Variants in LANCL2 observed in about 807,000 individuals in gnomAD.
LANCL2 encodes lanC-like protein 2.
In LANCL2, 33 loss-of-function variants were observed where a neutral mutation model predicts 56.9. That is an observed-to-expected ratio of 0.58 (90% CI 0.44 to 0.78). The LOEUF (loss-of-function observed/expected upper bound fraction) is 0.78, where lower values mean the gene tolerates loss of function less well. Ranked by LOEUF, LANCL2 falls within the 30% of genes least tolerant of loss-of-function variation. LANCL2 has a pLI of 0.00. For missense variants in LANCL2, 562 were observed against 580.2 expected (o/e 0.97, Z 0.32); for synonymous variants, 233 against 228.2 (o/e 1.02, Z -0.19).
chr7:55,415,621 C>CTTTTTTTTTTTTTTTTTTTTTTTTT lies in LANCL2; in HGVS notation c.1008+3540_1008+3541insTTTTTTTTTTTTTTTTTTTTTTTTT, dbSNP rs71031852. On this transcript the variant is annotated intron_variant, in intron 6 of 8. Transcript: ENST00000254770. Reference sequence around the variant, plus strand: ...CCATAGTTTATCATTGTTTTTCTTTCTTTTTTTTGAGACACAGTGTCGCTC... The same window carrying CTTTTTTTTTTTTTTTTTTTTTTTTT: ...CCATAGTTTATCATTGTTTTTCTTTCTTTTTTTTTTTTTTTTTTTTTTTTTTTTTTTTTGAGACACAGTGTCGCTC... Among the ~76,000 whole-genome samples, 56 of 111,766 alleles carry CTTTTTTTTTTTTTTTTTTTTTTTTT rather than the reference C, an allele frequency of 5.0e-4. 7 individuals are homozygous for CTTTTTTTTTTTTTTTTTTTTTTTTT. The highest frequency in any genetic ancestry group is 1.1e-3 in the African/African-American group (36 of 31,564). 73.3% of individuals were successfully genotyped at this position (111,766 alleles called of 152,430 possible).
intron 6 of LANCL2, among the ~76,000 whole-genome samples, chr7:55,419,894 C>G (rs1011932139): frequency 3.9e-5 from 6 of 151,986 alleles, no homozygotes; most frequent in Admixed American, 3.9e-4. Context: ...TGGCTCACTT[C>G]TATAATTCCA....
At chr7:55,418,991 CTTTTCT>C (rs1790576362) in intron 6 of LANCL2, among the ~76,000 whole-genome samples, 1 of 152,024 alleles carries the variant, frequency 6.6e-6, no homozygotes, top group South Asian at 2.1e-4. Context: ...GATTTTTATC[CTTTTCT>C]TTTTATTAAT....
At position 55,431,316 on chromosome 7, in the gene LANCL2, A is replaced by G; in HGVS notation, c.1349A>G (p.Asp450Gly). Residue 450 changes from aspartate to glycine, a missense_variant, in exon 9 of 9, where the codon GAT (aspartate) becomes GGT (glycine). Around this residue, in one of 2 missense-constraint regions of LANCL2, gnomAD observed 378 missense variants for 468.4 expected, o/e 0.81. Coordinates refer to ENST00000254770, the MANE Select transcript of LANCL2 (RefSeq NM_018697.4). ...TTTGAACTTGACTCTTCGAAGAGGG[A>G]TTAAAAGGTGCAAAAAGACAACTAA... ...PAFELDSSKR[D>G] 1 of 1,612,008 alleles carries G rather than the reference A, an allele frequency of 6.2e-7. No individual in the cohort carries two copies.
chr7:55,366,349 G>T (rs545468613), intron 1 of LANCL2, 120 bp downstream of exon 1: 13 of 844,952 alleles, frequency 1.5e-5, no homozygotes, highest in African/African-American at 9.1e-5. Flanking sequence ...CGGGATGATA[G>T]CGCCTAGCAC....
At chr7:55,406,688 T>C (rs1042323744) in intron 5 of LANCL2, among the ~76,000 whole-genome samples, 1 of 152,204 alleles carries the variant, frequency 6.6e-6, no homozygotes, top group Admixed American at 6.5e-5. Flanking sequence ...GTTGGAAGGC[T>C]ATCAGAACAA....
In LANCL2 at chr7:55,402,675, C is replaced by T. The variant is rs1360917046; in HGVS notation, c.825+1355C>T. On this transcript the variant is annotated intron_variant, in intron 5 of 8. Coordinates refer to ENST00000254770, the MANE Select transcript of LANCL2 (RefSeq NM_018697.4). ...CTAACCCCCCCACCTCCCTTCCGGA[C>T]GGGGCGGCTGGCCGGGCGGGGGGCT... Among the ~76,000 whole-genome samples, 23 of 119,608 alleles carry T rather than the reference C, an allele frequency of 1.9e-4. 2 individuals carry two copies. The highest frequency in any genetic ancestry group is 6.2e-4 in the African/African-American group (19 of 30,454). 78.5% of individuals were successfully genotyped at this position (119,608 alleles called of 152,430 possible).
intron 5 of LANCL2, among the ~76,000 whole-genome samples, chr7:55,401,629 GA>G (rs2128993825): frequency 7.6e-6 from 1 of 131,274 alleles, no homozygotes; most frequent in South Asian, 2.6e-4. Flanking sequence ...GTAGTGGAGG[GA>G]AGGTCAGCAG....
At chr7:55,409,604 C>A (rs1249802947) in intron 5 of LANCL2, among the ~76,000 whole-genome samples, 4 of 152,130 alleles carry the variant, frequency 2.6e-5, no homozygotes, top group Non-Finnish European at 5.9e-5. Flanking sequence ...GAGGGGCTCC[C>A]ATACAAGACA....
At chr7:55,375,730 G>C (rs1160644668) in intron 1 of LANCL2, among the ~76,000 whole-genome samples, 1 of 152,206 alleles carries the variant, frequency 6.6e-6, no homozygotes, top group Non-Finnish European at 1.5e-5. Flanking sequence ...CAAAGTCAAA[G>C]CATCTTCAAG....
At chr7:55,427,796 A>G (rs1790680877) in intron 7 of LANCL2, among the ~76,000 whole-genome samples, 1 of 152,242 alleles carries the variant, frequency 6.6e-6, no homozygotes. Context: ...TTAAAACGAT[A>G]TGGAAACACC....
At chr7:55,425,193 AT>A in intron 6 of LANCL2, 60 bp from the exon 7 acceptor site, 1 of 1,535,496 alleles carries the variant, frequency 6.5e-7, no homozygotes, top group South Asian at 1.2e-5. Flanking sequence ...AAGGGAAAGT[AT>A]TTTGCCAACT....
chr7:55,431,683 G>T lies in LANCL2; in HGVS notation c.*363G>T, dbSNP rs181044242. On this transcript the variant is annotated 3_prime_UTR_variant, in exon 9 of 9. Transcript: ENST00000254770. ...TTCTGTATAAAATGTATAAAGTGGG[G>T]TTTCTTCCATATTGACAAATGAGGG... The T allele has an allele frequency of 1.7e-5, 3 of 179,024 alleles. No individual in the cohort carries two copies. The highest frequency in any genetic ancestry group is 7.0e-5 in the African/African-American group (3 of 42,584). The allele number at this position is 179,024 out of a possible 1,614,324, so 11.1% of individuals were successfully genotyped here.
At position 55,399,944 on chromosome 7, in the gene LANCL2, T is replaced by C. The variant is rs981646207; in HGVS notation, c.531-13T>C. 6 of 1,601,038 alleles carry C rather than the reference T, an allele frequency of 3.7e-6. No homozygotes were observed. Among genetic ancestry groups the C allele is most frequent in the Non-Finnish European group, 5.1e-6 (6 of 1,170,784 alleles). On this transcript the variant is annotated splice_polypyrimidine_tract_variant and intron_variant, in intron 3 of 8. Transcript: ENST00000254770. ...CTTCCACTGGGAAAAAATTAATTTT[T>C]CTTATTGGTTAGACTTTTGCAGCTC...
chr7:55,376,434 G>C (rs1468683886), intron 1 of LANCL2, among the ~76,000 whole-genome samples: 1 of 152,168 alleles, frequency 6.6e-6, no homozygotes, highest in East Asian at 1.9e-4. Flanking sequence ...CAAGCTTTCA[G>C]GGCCTTCTAG....
intron 1 of LANCL2, among the ~76,000 whole-genome samples, chr7:55,389,647 C>G (rs975421037): frequency 7.3e-5 from 11 of 151,692 alleles, no homozygotes; most frequent in Admixed American, 4.6e-4. Flanking sequence ...CAACAAATAA[C>G]CAGTGGGCAG....
chr7:55,429,259 T>A (rs935681615), intron 8 of LANCL2, among the ~76,000 whole-genome samples: 1 of 152,270 alleles, frequency 6.6e-6, no homozygotes, highest in Non-Finnish European at 1.5e-5. Flanking sequence ...GGTATTAGTG[T>A]AACTTAAATG....
At chr7:55,401,107 C>T in intron 4 of LANCL2, 67 bp from the exon 5 acceptor site, 3 of 1,369,506 alleles carry the variant, frequency 2.2e-6, no homozygotes, top group Non-Finnish European at 3.1e-6. Flanking sequence ...ATATGACATA[C>T]TGTTAATTAG....
At chr7:55,391,528 CTTTTT>C (rs34146737) in intron 1 of LANCL2, among the ~76,000 whole-genome samples, 1 of 148,010 alleles carries the variant, frequency 6.8e-6, no homozygotes, top group Non-Finnish European at 1.5e-5. Context: ...TCCATTTTTC[CTTTTT>C]TTTTTAATTC....
chr7:55,395,150 C>G (rs946592259), intron 2 of LANCL2, among the ~76,000 whole-genome samples: 1 of 152,126 alleles, frequency 6.6e-6, no homozygotes, highest in African/African-American at 2.4e-5. Flanking sequence ...AACCATTTTC[C>G]CCTTCCAGGG....
Sources: gnomAD v4.1 joint callset for allele counts (sites outside exome capture counted in the v4.1 genomes callset) on GRCh38, gnomAD v4.1.1 for gene constraint, gnomAD v4.1.1 regional missense constraint, MANE v1.5 for transcripts, NCBI Gene and HGNC (gene_info 2026-07-23, HGNC 2026-07-21) for gene names.